Variants in CIMAP2 observed in about 807,000 individuals in gnomAD.
CIMAP2 encodes the protein ciliary microtubule-associated protein 2.
chr1:54,837,635 G>A, the CIMAP2 span, among the ~76,000 whole-genome samples: 2 of 152,158 alleles, frequency 1.3e-5, no homozygotes, highest in East Asian at 1.9e-4. Flanking sequence ...CCTGCCCACT[G>A]GTTGGGGAGT....
chr1:54,811,765 G>GGGGGGGGGGGGGGGGGGCC, the CIMAP2 span: 1 of 1,301,332 alleles, frequency 7.7e-7, no homozygotes. Flanking sequence ...GGTTCTGACA[G>GGGGGGGGGGGGGGGGGGCC]CCTCCATGCC....
At chr1:54,809,517 G>A in the CIMAP2 span, among the ~76,000 whole-genome samples, 21 of 152,198 alleles carry the variant, frequency 1.4e-4, no homozygotes, top group African/African-American at 4.8e-4. Context: ...ACAACCCTAT[G>A]AAGCAGGCAC....
the CIMAP2 span, among the ~76,000 whole-genome samples, chr1:54,838,623 T>C: frequency 6.6e-6 from 1 of 152,106 alleles, no homozygotes; most frequent in African/African-American, 2.4e-5. Context: ...TAGCTATTGC[T>C]ACATAACAAA....
At chr1:54,830,978 GTT>G in the CIMAP2 span, among the ~76,000 whole-genome samples, 1 of 152,056 alleles carries the variant, frequency 6.6e-6, no homozygotes, top group Non-Finnish European at 1.5e-5. The surrounding 1 kb of genome is among the most constrained non-coding windows in gnomAD (Gnocchi z 4.1). Context: ...TTTTAGTGAG[GTT>G]TCAGGAGGGA....
At chr1:54,809,707 C>T in the CIMAP2 span, among the ~76,000 whole-genome samples, 1 of 152,064 alleles carries the variant, frequency 6.6e-6, no homozygotes, top group Non-Finnish European at 1.5e-5. Context: ...CTCCCTGAGT[C>T]TCTGTGGAGA....
the CIMAP2 span, among the ~76,000 whole-genome samples, chr1:54,814,229 C>T: frequency 6.6e-6 from 1 of 152,308 alleles, no homozygotes; most frequent in Admixed American, 6.5e-5. Flanking sequence ...GAGCCTACAG[C>T]ATGGTGCCTG....
the CIMAP2 span, among the ~76,000 whole-genome samples, chr1:54,814,312 G>T: frequency 1.3e-5 from 2 of 152,312 alleles, no homozygotes; most frequent in East Asian, 3.9e-4. Context: ...AGCGTTGGAG[G>T]ATGGGCAGGG....
the CIMAP2 span, among the ~76,000 whole-genome samples, chr1:54,830,377 C>A: frequency 1.3e-5 from 2 of 152,086 alleles, no homozygotes; most frequent in Admixed American, 6.5e-5. The surrounding 1 kb of genome is among the most constrained non-coding windows in gnomAD (Gnocchi z 4.1). Context: ...CATGTGCCAC[C>A]ACACTCGGCT....
the CIMAP2 span, among the ~76,000 whole-genome samples, chr1:54,836,259 G>C: frequency 6.8e-6 from 1 of 146,710 alleles, no homozygotes; most frequent in Non-Finnish European, 1.5e-5. Context: ...CTCCCCCTTC[G>C]CCCTCCCGCC....
chr1:54,823,107 T>C, the CIMAP2 span, among the ~76,000 whole-genome samples: 2 of 152,172 alleles, frequency 1.3e-5, no homozygotes, highest in African/African-American at 4.8e-5. Flanking sequence ...ATAGTGTAGA[T>C]TAAGTCTCAT....
the CIMAP2 span, chr1:54,814,003 C>T: frequency 6.4e-7 from 1 of 1,562,208 alleles, no homozygotes; most frequent in Non-Finnish European, 8.7e-7. Context: ...GCCGGCCTTC[C>T]TCTCTCGGAG....
the CIMAP2 span, among the ~76,000 whole-genome samples, chr1:54,828,274 A>G: frequency 2.0e-5 from 3 of 152,230 alleles, no homozygotes; most frequent in Non-Finnish European, 4.4e-5. Context: ...TTTTCGTCTT[A>G]TACTGCAGCC....
the CIMAP2 span, among the ~76,000 whole-genome samples, chr1:54,815,972 G>A: frequency 6.6e-6 from 1 of 151,808 alleles, no homozygotes; most frequent in South Asian, 2.1e-4. Context: ...ACTGATTCTT[G>A]TGAGGACCAG....
the CIMAP2 span, among the ~76,000 whole-genome samples, chr1:54,827,564 G>T: frequency 3.3e-5 from 5 of 152,142 alleles, no homozygotes; most frequent in Non-Finnish European, 7.3e-5. Flanking sequence ...TTCCATGTCT[G>T]CCACTTAGCT....
At chr1:54,807,446 G>T in the CIMAP2 span, 4 of 1,421,640 alleles carry the variant, frequency 2.8e-6, no homozygotes, top group Admixed American at 2.9e-5. Flanking sequence ...CCGGGTCAGG[G>T]TGGTGGCTTG....
chr1:54,842,121 A>G, the CIMAP2 span: 1 of 561,802 alleles, frequency 1.8e-6, no homozygotes, highest in Non-Finnish European at 3.2e-6. Context: ...AACTCAACTC[A>G]GCCAGTGACA....
the CIMAP2 span, chr1:54,807,941 T>A: frequency 5.6e-6 from 9 of 1,609,678 alleles, no homozygotes; most frequent in Admixed American, 1.2e-4. Context: ...TTAGAACAGC[T>A]GCGGGAGAAA....
chr1:54,812,175 C>G, the CIMAP2 span: 1 of 1,614,204 alleles, frequency 6.2e-7, no homozygotes, highest in South Asian at 1.1e-5. Flanking sequence ...GCCTTATGGG[C>G]ACTACTCCAT....
chr1:54,829,791 TA>T, the CIMAP2 span, among the ~76,000 whole-genome samples: 1 of 152,238 alleles, frequency 6.6e-6, no homozygotes, highest in African/African-American at 2.4e-5. Flanking sequence ...TCGAAGATAT[TA>T]AGACAAATAT....
Sources: allele counts gnomAD v4.1 joint callset (sites outside exome capture counted in the v4.1 genomes callset), GRCh38; gene constraint gnomAD v4.1.1; non-coding constraint Gnocchi (gnomAD v3.1); transcripts MANE v1.5; gene names NCBI Gene and HGNC (gene_info 2026-07-23, HGNC 2026-07-21).